The following NTRK2 variants were observed in gnomAD, a reference collection of about 807,000 sequenced individuals.
NTRK2 encodes the protein BDNF/NT-3 growth factors receptor.
NTRK2 carries 13 observed loss-of-function variants against 94.5 expected under a neutral mutation model. The ratio of observed to expected loss-of-function variants is 0.14; its 90% CI spans 0.09 to 0.22. The LOEUF (loss-of-function observed/expected upper bound fraction) is 0.22. NTRK2 is among the 10% of genes least tolerant of loss of function. The pLI, the probability that NTRK2 is intolerant of heterozygous loss-of-function variation, is 1.00. For synonymous variants in NTRK2, 372 were observed against 407.4 expected (o/e 0.91, Z 1.05); for missense variants, 639 against 1,071.2 (o/e 0.60, Z 5.63).
At chr9:84,718,059 C>T (rs77416094) in intron 6 of NTRK2, among the ~76,000 whole-genome samples, 3 of 150,958 alleles carry the variant, frequency 2.0e-5, no homozygotes, top group African/African-American at 4.9e-5. Flanking sequence ...CTTCTTCCTC[C>T]TCTTCTTTCT....
intron 17 of NTRK2, among the ~76,000 whole-genome samples, chr9:84,999,280 A>G (rs1199416928): frequency 1.3e-5 from 2 of 152,218 alleles, no homozygotes; most frequent in African/African-American, 4.8e-5. Flanking sequence ...TAAGATGCTC[A>G]GAGTCCTCAA....
chr9:84,977,643 A>T (rs776219748), intron 17 of NTRK2, among the ~76,000 whole-genome samples: 3 of 152,250 alleles, frequency 2.0e-5, no homozygotes, highest in Non-Finnish European at 4.4e-5. Flanking sequence ...AATGAGAATC[A>T]ACTGCACATA....
At chr9:84,939,051 C>CAAAAAAAAAAAAAAAAAAAAAAA (rs138558531) in intron 15 of NTRK2, among the ~76,000 whole-genome samples, 8 of 68,398 alleles carry the variant, frequency 1.2e-4, no homozygotes, top group Admixed American at 4.2e-4. Context: ...GACCCCAACT[C>CAAAAAAAAAAAAAAAAAAAAAAA]AAAAAAAAAA....
In NTRK2 at chr9:84,867,552, G is replaced by T. The variant is rs2075651232; in HGVS notation, c.1633+121G>T. 6 of 878,832 alleles carry T rather than the reference G, an allele frequency of 6.8e-6. 1 individual carries two copies. The South Asian group carries it at 8.0e-5, about 12-fold the overall frequency. The allele number at this position is 878,832 out of a possible 1,614,324, so 54.4% of individuals were successfully genotyped here. ...AACAGGGTGCAGTGAAATGTTTGAG[G>T]ATTCTTGCAGCTTTTGGCCCAGGAA... On this transcript the variant is annotated intron_variant, in intron 14 of 18. Coordinates refer to ENST00000277120, the MANE Select transcript of NTRK2 (RefSeq NM_006180.6).
chr9:84,888,031 TAC>T (rs1261659334), intron 14 of NTRK2, among the ~76,000 whole-genome samples: 1 of 152,146 alleles, frequency 6.6e-6, no homozygotes, highest in African/African-American at 2.4e-5. Flanking sequence ...CTGGATAAAC[TAC>T]AGAGTGGAAC....
intron 17 of NTRK2, 82 bp downstream of exon 17, chr9:84,955,599 TA>T: frequency 8.8e-7 from 1 of 1,135,802 alleles, no homozygotes. Context: ...GAGGCTGTCA[TA>T]ACAAAATATC....
intron 12 of NTRK2, among the ~76,000 whole-genome samples, chr9:84,856,050 A>G (rs1226056652): frequency 6.6e-6 from 1 of 152,196 alleles, no homozygotes; most frequent in Admixed American, 6.5e-5. Flanking sequence ...GGAAATACGA[A>G]TTTCAGAGAA....
chr9:84,765,549 G>A (rs1273463489), intron 12 of NTRK2, among the ~76,000 whole-genome samples: 2 of 152,108 alleles, frequency 1.3e-5, no homozygotes, highest in African/African-American at 4.8e-5. Flanking sequence ...CTGGTTTGTG[G>A]CCAATCCAGG....
At chr9:84,905,834 G>T (rs1342128561) in intron 14 of NTRK2, among the ~76,000 whole-genome samples, 1 of 152,158 alleles carries the variant, frequency 6.6e-6, no homozygotes, top group African/African-American at 2.4e-5. Context: ...TAGACATGGG[G>T]AAACGATAAA....
At chr9:84,827,435 G>A (rs747654141) in intron 12 of NTRK2, among the ~76,000 whole-genome samples, 1 of 152,210 alleles carries the variant, frequency 6.6e-6, no homozygotes, top group Non-Finnish European at 1.5e-5. Context: ...CGCAACTCCA[G>A]CTCTGGGTGC....
chr9:84,946,783 T>G (rs996165210), intron 15 of NTRK2, among the ~76,000 whole-genome samples: 3 of 152,220 alleles, frequency 2.0e-5, no homozygotes, highest in Admixed American at 1.3e-4. Context: ...AAAGACAAGA[T>G]GTTACAGGGC....
Position 84,823,883 on chromosome 9 carries a change from C to A in NTRK2, c.1397-37157C>A, listed in dbSNP as rs146600124. Among the ~76,000 whole-genome samples, 13 of 152,238 alleles carry A rather than the reference C, an allele frequency of 8.5e-5. No individual in the cohort carries two copies. In the East Asian group the frequency reaches 1.9e-3, roughly 23 times the overall value. The stretch of plus-strand genomic sequence containing the variant: ...TTCAGACGTGGTTCCTTTACAACAG[C>A]CCTGAGTAGATACTTGTCTTAAGTC... On this transcript the variant is annotated intron_variant, in intron 12 of 18. Transcript: ENST00000277120.
intron 12 of NTRK2, among the ~76,000 whole-genome samples, chr9:84,786,411 C>A (rs1039860081): frequency 6.6e-6 from 1 of 152,118 alleles, no homozygotes; most frequent in African/African-American, 2.4e-5. Context: ...TACCAGGATC[C>A]AAGCCTAGGC....
rs201557662 is a variant in NTRK2 at position 84,723,580 on chromosome 9, A to G, written c.591A>G (p.Pro197=). The change falls in exon 7 of 19, where the codon CCA becomes CCG. Residue 197 remains proline (P), a synonymous_variant. Transcript: ENST00000277120. ...ACTTTTCTTGTTCCATAGGTTTGCC[A>G]TCTGCAAATCTGGCCGCACCTAACC... is the stretch of plus-strand genomic sequence containing the variant. ...ANLQIPNCGL[P]SANLAAPNLT... The G allele has an allele frequency of 1.2e-6, 2 of 1,614,072 alleles. No individual in the cohort carries two copies. Among genetic ancestry groups the G allele is most frequent in the Non-Finnish European group, 1.7e-6 (2 of 1,179,944 alleles).
chr9:84,816,263 C>T (rs145349901), intron 12 of NTRK2, among the ~76,000 whole-genome samples: 16 of 152,258 alleles, frequency 1.1e-4, no homozygotes, highest in African/African-American at 3.6e-4. Flanking sequence ...TCCCTTTTGT[C>T]TCTATCCTCA....
At chr9:84,834,553 A>G (rs927511941) in intron 12 of NTRK2, among the ~76,000 whole-genome samples, 2 of 151,916 alleles carry the variant, frequency 1.3e-5, no homozygotes, top group Admixed American at 1.3e-4. Context: ...GCATCTAGGA[A>G]CCCCTAGAAG....
chr9:84,680,206 C>T (rs2059309710), intron 2 of NTRK2, among the ~76,000 whole-genome samples: 1 of 152,104 alleles, frequency 6.6e-6, no homozygotes, highest in South Asian at 2.1e-4. Flanking sequence ...TGGAGATGTC[C>T]AACAAACAGG....
chr9:84,692,674 T>A (rs1009466581), intron 2 of NTRK2, among the ~76,000 whole-genome samples: 1 of 151,928 alleles, frequency 6.6e-6, no homozygotes, highest in African/African-American at 2.4e-5. Flanking sequence ...TCCATGTTGC[T>A]CAGGCTGGTC....
chr9:84,785,763 A>G (rs753678186), intron 12 of NTRK2, among the ~76,000 whole-genome samples: 10 of 152,290 alleles, frequency 6.6e-5, no homozygotes, highest in East Asian at 3.9e-4. Flanking sequence ...TCATTCTTTA[A>G]TAACTCACAC....
Sources: gnomAD v4.1 joint callset for allele counts (sites outside exome capture counted in the v4.1 genomes callset) on GRCh38, gnomAD v4.1.1 for gene constraint, MANE v1.5 for transcripts, NCBI Gene and HGNC (gene_info 2026-07-23, HGNC 2026-07-21) for gene names.